The following PUS7L variants were observed in gnomAD, a reference collection of about 807,000 sequenced individuals.
The protein encoded by PUS7L is pseudouridine synthase 7 like, also known as pseudouridylate synthase PUS7L.
A neutral mutation model predicts 51.1 loss-of-function variants in PUS7L; 49 were observed. That is an observed-to-expected ratio of 0.96 (90% confidence interval 0.76 to 1.22). PUS7L has a LOEUF of 1.22. Among genes scored for constraint, PUS7L ranks in the 50% most tolerant of loss-of-function variants. PUS7L has a pLI of 0.00. For synonymous variants in PUS7L, 277 were observed against 276.2 expected (o/e 1.00, Z -0.03); for missense variants, 828 against 820.6 (o/e 1.01, Z -0.11).
chr12:43,751,306 T>C (rs1397730636), intron 2 of PUS7L, among the ~76,000 whole-genome samples: 4 of 152,044 alleles, frequency 2.6e-5, no homozygotes, highest in Admixed American at 6.6e-5. Context: ...CATTAACTTG[T>C]CATTTACATT....
In PUS7L at chr12:43,719,215, T is replaced by A. The variant is rs1242767108; in HGVS notation, c.*11161A>T. The stretch of plus-strand genomic sequence containing the variant: ...AAATATTAACAAATAATGTGATTGA[T>A]CTCAGAAACAGTATTGAGTAAAACA... On this transcript the variant is annotated 3_prime_UTR_variant, in exon 9 of 9. Transcript: ENST00000344862. 1.3e-5 allele frequency: 2 copies of A among 152,048 alleles called. No homozygotes were observed. Among genetic ancestry groups the A allele is most frequent in the Non-Finnish European group, 2.9e-5 (2 of 67,998 alleles). 9.4% of individuals were successfully genotyped at this position (152,048 alleles called of 1,614,324 possible).
chr12:43,753,056 CAAG>C (rs1938532642), intron 2 of PUS7L, among the ~76,000 whole-genome samples: 1 of 152,048 alleles, frequency 6.6e-6, no homozygotes. Flanking sequence ...GTTAGAATTT[CAAG>C]TAGTATAAGA....
chr12:43,719,314 T>G lies in PUS7L; in HGVS notation c.*11062A>C, dbSNP rs1316723949. The G allele has an allele frequency of 6.6e-6, 1 of 152,306 alleles. No individual in the cohort carries two copies. The highest frequency in any genetic ancestry group is 1.9e-4 in the East Asian group (1 of 5,192). The allele number at this position is 152,306 out of a possible 1,614,324, so 9.4% of individuals were successfully genotyped here. On this transcript the variant is annotated 3_prime_UTR_variant, in exon 9 of 9. Transcript: ENST00000344862. ...AAATCAGACAAAACTGTGTATTTTT[T>G]AGGAATGAATACATGGGTGGTAAAG...
At chr12:43,741,363 C>T (rs73280418) in intron 5 of PUS7L, among the ~76,000 whole-genome samples, 1,675 of 152,248 alleles carry the variant, frequency 0.011, 33 homozygotes, top group African/African-American at 0.038. Flanking sequence ...TCATTTGATT[C>T]TCAGAAAAAT....
At chr12:43,732,353 A>T (rs1426701327) in intron 7 of PUS7L, among the ~76,000 whole-genome samples, 1 of 152,090 alleles carries the variant, frequency 6.6e-6, no homozygotes, top group Non-Finnish European at 1.5e-5. Context: ...AGACCCAGGC[A>T]AGAGGATCGC....
rs905291289 is a variant in PUS7L at position 43,730,595 on chromosome 12, T to G, written c.1887A>C (p.Lys629Asn). Residue 629 changes from lysine to asparagine, a missense_variant, in exon 9 of 9, where the codon AAA becomes AAC. By Grantham distance (94) the Lys-to-Asn change is moderately conservative (BLOSUM62 0). Coordinates refer to ENST00000344862, the MANE Select transcript of PUS7L (RefSeq NM_031292.5). ...SRDGLQTCRF[K>N]VPTLKLNIPG... ...GTATATTCAGTTTCAGAGTAGGTAC[T>G]TTAAACCTACATGTCTGTAGTCCAT... 1 of 1,612,788 alleles carries G rather than the reference T, an allele frequency of 6.2e-7. No homozygotes were observed. Among genetic ancestry groups the G allele is most frequent in the African/African-American group, 1.3e-5 (1 of 74,908 alleles).
In PUS7L at chr12:43,725,073, A is replaced by C. The variant is rs1350574793; in HGVS notation, c.*5303T>G. 6.6e-6 allele frequency: 1 copy of C among 152,232 alleles called. No homozygotes were observed. Among genetic ancestry groups the C allele is most frequent in the African/African-American group, 2.4e-5 (1 of 41,470 alleles). The allele number at this position is 152,232 out of a possible 1,614,324, so 9.4% of individuals were successfully genotyped here. A position where few individuals can be genotyped will look rare whatever the true frequency, so the allele number is the denominator to read the frequency against. On this transcript the variant is annotated 3_prime_UTR_variant, in exon 9 of 9. Coordinates refer to ENST00000344862, the MANE Select transcript of PUS7L (RefSeq NM_031292.5). ...AATGTTGATATATGTAAATAGTATC[A>C]ATCAGCTTTCTCCTTCCTTAAACAG...
chr12:43,736,397 T>C lies in PUS7L; in HGVS notation c.1709A>G (p.Asn570Ser). ...VCLDEDIDDE[N>S]FPNSKIHLVT... ...GATACTTACTTTACTATTTGGGAAA[T>C]TCTCGTCATCAATGTCTTCATCCAA... The change falls in exon 7 of 9, where the codon AAT (asparagine) becomes AGT (serine). Residue 570 changes from asparagine to serine, a missense_variant. Transcript: ENST00000344862. 6.2e-7 allele frequency: 1 copy of C among 1,613,728 alleles called. No individual in the cohort carries two copies. The highest frequency in any genetic ancestry group is 8.5e-7 in the Non-Finnish European group (1 of 1,179,668).
chr12:43,744,005 T>C (rs1938041998), intron 4 of PUS7L, among the ~76,000 whole-genome samples: 1 of 152,144 alleles, frequency 6.6e-6, no homozygotes, highest in Non-Finnish European at 1.5e-5. Context: ...CTTTCTCACA[T>C]CATAAGAACT....
chr12:43,737,672 A>G (rs145812074), intron 6 of PUS7L, among the ~76,000 whole-genome samples: 198 of 152,016 alleles, frequency 1.3e-3, no homozygotes, highest in African/African-American at 4.5e-3. Flanking sequence ...TCTAAATCTC[A>G]TAATACTCTT....
At chr12:43,735,672 A>G (rs987038234) in intron 7 of PUS7L, among the ~76,000 whole-genome samples, 1 of 152,206 alleles carries the variant, frequency 6.6e-6, no homozygotes, top group Non-Finnish European at 1.5e-5. Flanking sequence ...GAAAACATAC[A>G]GAAAGGTCTA....
rs958073519 is a variant in PUS7L, at chr12:43,720,470, C to T, written c.*9906G>A. The T allele has an allele frequency of 6.6e-6, 1 of 152,108 alleles. No homozygotes were observed. The highest frequency in any genetic ancestry group is 1.5e-5 in the Non-Finnish European group (1 of 68,002). 9.4% of individuals were successfully genotyped at this position (152,108 alleles called of 1,614,324 possible). ...CTGCACGGGTGATAGAGTGAGACTC[C>T]ATCACAAAAAACAAAAAATAAATAA... On this transcript the variant is annotated 3_prime_UTR_variant, in exon 9 of 9. Transcript: ENST00000344862.
At chr12:43,756,678 G>A (rs1938715208) in intron 1 of PUS7L, among the ~76,000 whole-genome samples, 1 of 152,142 alleles carries the variant, frequency 6.6e-6, no homozygotes. Context: ...GTCATCCACT[G>A]TCACGGTCAT....
chr12:43,729,544 T>G lies in PUS7L; in HGVS notation c.*832A>C, dbSNP rs1198371313. 8.8e-6 allele frequency: 2 copies of G among 227,364 alleles called. No homozygotes were observed. 14.1% of individuals were successfully genotyped at this position (227,364 alleles called of 1,614,324 possible). ...AATTAAAATTTTCAAATGGGCACAA[T>G]GTTTTGTTCCTCCAGCAACAGAAAA... On this transcript the variant is annotated 3_prime_UTR_variant, in exon 9 of 9. Coordinates refer to ENST00000344862, the MANE Select transcript of PUS7L (RefSeq NM_031292.5).
intron 4 of PUS7L, among the ~76,000 whole-genome samples, chr12:43,743,614 T>A (rs1368691511): frequency 1.3e-5 from 2 of 151,936 alleles, no homozygotes; most frequent in Non-Finnish European, 2.9e-5. Context: ...ATACAAAAAA[T>A]TAGCTGGGCG....
rs1380081100 is a variant in PUS7L, at chr12:43,725,871, C to A, written c.*4505G>T. 1 of 150,424 alleles carries A rather than the reference C, an allele frequency of 6.6e-6. No homozygotes were observed. The highest frequency in any genetic ancestry group is 1.5e-5 in the Non-Finnish European group (1 of 67,906). 9.3% of individuals were successfully genotyped at this position (150,424 alleles called of 1,614,324 possible). ...AATAAGGGAAGATAATACCTCCACACAGGGTGGGAATATGGATTAAAGTGT... is the reference window on the plus strand; with the variant it reads ...AATAAGGGAAGATAATACCTCCACAAAGGGTGGGAATATGGATTAAAGTGT... On this transcript the variant is annotated 3_prime_UTR_variant, in exon 9 of 9. Coordinates refer to ENST00000344862, the MANE Select transcript of PUS7L (RefSeq NM_031292.5).
At chr12:43,753,715 A>T (rs559208911) in intron 2 of PUS7L, among the ~76,000 whole-genome samples, 1 of 152,298 alleles carries the variant, frequency 6.6e-6, no homozygotes, top group South Asian at 2.1e-4. Flanking sequence ...AACATAGCAG[A>T]CCAGGAAAAA....
In PUS7L at chr12:43,754,763, G is replaced by T. The variant is rs1284621723; in HGVS notation, c.483C>A (p.Phe161Leu). ...KTELIGLPPE[F>L]SIGRILDKNQ... ...TTTTGTCAAGGATTCTGCCTATTGA[G>T]AATTCAGGAGGTAGTCCAATTAGCT... The change falls in exon 2 of 9, where the codon TTC (phenylalanine) becomes TTA (leucine). Residue 161 changes from phenylalanine (F) to leucine (L), a missense_variant. By Grantham distance (22) the Phe-to-Leu change is conservative. Transcript: ENST00000344862. 4 of 1,613,824 alleles carry T rather than the reference G, an allele frequency of 2.5e-6. No homozygotes were observed. The highest frequency in any genetic ancestry group is 3.4e-6 in the Non-Finnish European group (4 of 1,179,892).
At position 43,722,715 on chromosome 12, in the gene PUS7L, C is replaced by A. The variant is rs902897434; in HGVS notation, c.*7661G>T. 1.3e-5 allele frequency: 2 copies of A among 151,996 alleles called. No individual in the cohort carries two copies. Among genetic ancestry groups the A allele is most frequent in the Non-Finnish European group, 2.9e-5 (2 of 67,962 alleles). 9.4% of individuals were successfully genotyped at this position (151,996 alleles called of 1,614,324 possible). On this transcript the variant is annotated 3_prime_UTR_variant, in exon 9 of 9. Coordinates refer to ENST00000344862, the MANE Select transcript of PUS7L (RefSeq NM_031292.5). ...TCCCTTTTTAGAAAAGAACACTAGT[C>A]CTTTATGTTCCCCTGCCACAGGGGA...
Sources: gnomAD v4.1 joint callset for allele counts (sites outside exome capture counted in the v4.1 genomes callset) on GRCh38, gnomAD v4.1.1 for gene constraint, MANE v1.5 for transcripts, NCBI Gene and HGNC (gene_info 2026-07-23, HGNC 2026-07-21) for gene names.